Variants in FHOD3 observed in about 807,000 individuals in gnomAD.
FHOD3 encodes formin homology 2 domain containing 3, also known as FH1/FH2 domain-containing protein 3.
Under a neutral mutation model 173.0 loss-of-function variants are expected in FHOD3, and 90 were observed. That is an observed-to-expected ratio of 0.52 (90% CI 0.44 to 0.62). The LOEUF is 0.62. FHOD3 is among the 20% of genes least tolerant of loss of function. FHOD3 has a pLI of 0.00. For missense variants in FHOD3, 1,945 were observed against 2,034.7 expected, an observed-to-expected ratio of 0.96 and a Z score of 0.85; for synonymous variants, 828 against 823.0, an observed-to-expected ratio of 1.01 and a Z score of -0.10.
intron 1 of FHOD3, among the ~76,000 whole-genome samples, chr18:36,309,112 G>A (rs1461949709): frequency 1.3e-5 from 2 of 152,318 alleles, no homozygotes; most frequent in East Asian, 3.9e-4. Context: ...TCTCGTGGGT[G>A]GGGTGGGTAT....
At chr18:36,473,978 C>T (rs1156664550) in intron 3 of FHOD3, among the ~76,000 whole-genome samples, 1 of 152,256 alleles carries the variant, frequency 6.6e-6, no homozygotes, top group Non-Finnish European at 1.5e-5. Context: ...GCTGATCCCA[C>T]ATCCCACCCT....
chr18:36,665,186 T>A (rs1009893442), intron 14 of FHOD3, among the ~76,000 whole-genome samples: 3 of 152,228 alleles, frequency 2.0e-5, no homozygotes. Flanking sequence ...GAGGACTAAA[T>A]AAGTTTTATT....
chr18:36,568,651 CTG>C (rs1346726628), intron 5 of FHOD3, among the ~76,000 whole-genome samples: 1 of 152,166 alleles, frequency 6.6e-6, no homozygotes, highest in African/African-American at 2.4e-5. Context: ...GCTCTGAAAA[CTG>C]AACTGATATT....
At chr18:36,634,441 G>A (rs1021777735) in intron 10 of FHOD3, among the ~76,000 whole-genome samples, 1 of 152,132 alleles carries the variant, frequency 6.6e-6, no homozygotes, top group Non-Finnish European at 1.5e-5. Context: ...TTCATTGCCA[G>A]GATTAGAGAA....
chr18:36,763,389 A>G (rs1273088590), intron 27 of FHOD3, among the ~76,000 whole-genome samples: 1 of 146,420 alleles, frequency 6.8e-6, no homozygotes, highest in African/African-American at 2.5e-5. Context: ...TACACGTTAT[A>G]TACAATATGC....
intron 5 of FHOD3, among the ~76,000 whole-genome samples, chr18:36,542,372 A>T (rs1408917202): frequency 6.6e-6 from 1 of 152,202 alleles, no homozygotes; most frequent in African/African-American, 2.4e-5. Context: ...TTAGGGATTT[A>T]AAAAATTACC....
intron 28 of FHOD3, among the ~76,000 whole-genome samples, chr18:36,775,535 C>T (rs976239526): frequency 1.3e-5 from 2 of 152,136 alleles, no homozygotes; most frequent in African/African-American, 4.8e-5. Context: ...ACAAGAGTTC[C>T]CATCTCACAG....
intron 22 of FHOD3, 50 bp downstream of exon 22, chr18:36,742,906 C>A: frequency 3.2e-6 from 5 of 1,581,160 alleles, no homozygotes; most frequent in Middle Eastern, 1.7e-4. Flanking sequence ...TCACAAAATC[C>A]CTGCCCAGCA....
chr18:36,498,152 T>C (rs915359103), intron 3 of FHOD3, among the ~76,000 whole-genome samples: 4 of 152,010 alleles, frequency 2.6e-5, no homozygotes, highest in Non-Finnish European at 5.9e-5. Context: ...ATTAATAAAA[T>C]TTTCAAATAA....
At chr18:36,343,135 A>G (rs2045708218) in intron 1 of FHOD3, among the ~76,000 whole-genome samples, 1 of 152,248 alleles carries the variant, frequency 6.6e-6, no homozygotes, top group East Asian at 1.9e-4. Flanking sequence ...TTAATGACCC[A>G]GCAATTCTAC....
chr18:36,611,861 A>C, intron 8 of FHOD3, 91 bp from the exon 9 acceptor site: 1 of 1,259,522 alleles, frequency 7.9e-7, no homozygotes, highest in South Asian at 1.5e-5. Context: ...TGATTATAAC[A>C]ATATGCCTGG....
intron 2 of FHOD3, among the ~76,000 whole-genome samples, chr18:36,371,132 A>T (rs1228514687): frequency 6.6e-6 from 1 of 152,206 alleles, no homozygotes; most frequent in Non-Finnish European, 1.5e-5. Context: ...GAACAAAGGA[A>T]AATGGAGGGG....
intron 27 of FHOD3, among the ~76,000 whole-genome samples, chr18:36,763,289 TGC>T (rs2042983767): frequency 2.1e-5 from 3 of 142,214 alleles, no homozygotes; most frequent in East Asian, 4.2e-4. Context: ...ATATACAATA[TGC>T]GTATTATACA....
Position 36,760,598 on chromosome 18 carries a change from G to A in FHOD3, c.4450-10G>A. The A allele has an allele frequency of 6.4e-7, 1 of 1,554,010 alleles. No individual in the cohort carries two copies. The highest frequency in any genetic ancestry group is 1.7e-4 in the Middle Eastern group (1 of 5,818). On this transcript the variant is annotated splice_polypyrimidine_tract_variant and intron_variant, in intron 26 of 28. Transcript: ENST00000590592. The stretch of plus-strand genomic sequence containing the variant: ...CTCCCTCACCTGCTAACTTCCCCTT[G>A]GTTTTGCAGTCTGGCAAGTTCTCCG...
At chr18:36,438,003 C>T (rs2050913287) in intron 3 of FHOD3, among the ~76,000 whole-genome samples, 1 of 152,046 alleles carries the variant, frequency 6.6e-6, no homozygotes, top group Non-Finnish European at 1.5e-5. Context: ...TCAGTGGCAT[C>T]CCCTGCACTG....
intron 12 of FHOD3, 21 bp from the exon 13 acceptor site, chr18:36,653,321 G>A (rs548186309): frequency 1.8e-5 from 27 of 1,519,634 alleles, no homozygotes; most frequent in African/African-American, 1.4e-4. Context: ...CATTGTGAGC[G>A]GGCTTTTCTT....
chr18:36,308,496 G>T (rs1447229508), intron 1 of FHOD3, among the ~76,000 whole-genome samples: 2 of 152,174 alleles, frequency 1.3e-5, no homozygotes, highest in South Asian at 2.1e-4. Flanking sequence ...ATTCAGAGAT[G>T]ATTGTTAAAA....
chr18:36,720,026 A>G (rs1005149895), intron 19 of FHOD3, among the ~76,000 whole-genome samples: 2 of 150,496 alleles, frequency 1.3e-5, no homozygotes, highest in Non-Finnish European at 3.0e-5. Flanking sequence ...AAGCTTTCTC[A>G]TTTACAAATC....
At chr18:36,543,898 G>T (rs1207092898) in intron 5 of FHOD3, among the ~76,000 whole-genome samples, 2 of 152,144 alleles carry the variant, frequency 1.3e-5, no homozygotes, top group African/African-American at 2.4e-5. Flanking sequence ...TTATTTCTGC[G>T]GTAGAAGCTA....
Sources: allele counts gnomAD v4.1 joint callset (sites outside exome capture counted in the v4.1 genomes callset), GRCh38; gene constraint gnomAD v4.1.1; transcripts MANE v1.5; gene names NCBI Gene and HGNC (gene_info 2026-07-23, HGNC 2026-07-21).